AGPAT5: variants seen among roughly 807,000 people sequenced by gnomAD.
The protein encoded by AGPAT5 is 1-acylglycerol-3-phosphate O-acyltransferase 5.
A neutral mutation model predicts 45.6 loss-of-function variants in AGPAT5; 46 were observed. That is an observed-to-expected ratio of 1.01 (90% confidence interval 0.80 to 1.29). The LOEUF (loss-of-function observed/expected upper bound fraction) is 1.29, where lower values mean the gene tolerates loss of function less well. Among genes scored for constraint, AGPAT5 ranks in the 50% most tolerant of loss-of-function variants. The pLI is 0.00. For synonymous variants in AGPAT5, 272 were observed against 167.0 expected (o/e 1.63, Z -4.85); for missense variants, 673 against 450.7 (o/e 1.49, Z -4.47).
In AGPAT5 at chr8:6,726,816, C is replaced by A. The variant is rs555801721; in HGVS notation, c.289+1877C>A. On this transcript the variant is annotated intron_variant, in intron 2 of 7. Coordinates refer to ENST00000285518, the MANE Select transcript of AGPAT5 (RefSeq NM_018361.5). ...TGTATCACCGCTCTGGCACCACATC[C>A]TCATCCCAGCAGGATTTGGGAAGGC... Among the ~76,000 whole-genome samples the A allele has an allele frequency of 3.9e-5, 6 of 152,312 alleles. No homozygotes were observed. In the South Asian group the frequency reaches 1.2e-3, roughly 32 times the overall value.
intron 7 of AGPAT5, among the ~76,000 whole-genome samples, chr8:6,755,417 T>C (rs1384547001): frequency 6.6e-6 from 1 of 152,208 alleles, no homozygotes; most frequent in Admixed American, 6.5e-5. Context: ...TACTACGTGA[T>C]AACATAGCAA....
chr8:6,744,518 G>A (rs982996168), intron 5 of AGPAT5, among the ~76,000 whole-genome samples: 2 of 152,158 alleles, frequency 1.3e-5, no homozygotes, highest in Non-Finnish European at 2.9e-5. Flanking sequence ...GTGGAGGCTT[G>A]GGGGGATCTT....
rs759517601 is a variant in AGPAT5, at chr8:6,708,767, G to A, written c.99G>A (p.Gly33=). 3 of 1,608,640 alleles carry A rather than the reference G, an allele frequency of 1.9e-6. No individual in the cohort carries two copies. The highest frequency in any genetic ancestry group is 2.7e-5 in the African/African-American group (2 of 74,906). ...CGCCCACCTACGTGTTGGCCTGGGGGGTCTGGCGGCTGCTCTCCGCCTTCC... is the reference window on the plus strand; with the variant it reads ...CGCCCACCTACGTGTTGGCCTGGGGAGTCTGGCGGCTGCTCTCCGCCTTCC... ...GTAPTYVLAW[G]VWRLLSAFLP... Residue 33 remains glycine, a synonymous_variant, in exon 1 of 8, where the codon GGG becomes GGA. Coordinates refer to ENST00000285518, the MANE Select transcript of AGPAT5 (RefSeq NM_018361.5).
intron 6 of AGPAT5, among the ~76,000 whole-genome samples, chr8:6,753,875 A>G (rs375815741): frequency 2.6e-5 from 4 of 152,322 alleles, no homozygotes; most frequent in African/African-American, 7.2e-5. Flanking sequence ...TAAATGCTGC[A>G]TGTTACTAAG....
rs532841291 is a variant in AGPAT5, at chr8:6,728,969, G to A, written c.290-1742G>A. 2.6e-5 allele frequency among the ~76,000 whole-genome samples: 4 copies of A among 152,268 alleles called. No individual in the cohort carries two copies. The East Asian group carries it at 7.7e-4, about 29-fold the overall frequency. On this transcript the variant is annotated intron_variant, in intron 2 of 7. Transcript: ENST00000285518. ...ATAGATATCTCAACCCAATAACACA[G>A]GTTGTGTCTGTCTCTGGGATCATAC...
At chr8:6,747,606 G>A (rs1380461056) in intron 5 of AGPAT5, 64 bp from the exon 6 acceptor site, 23 of 1,419,806 alleles carry the variant, frequency 1.6e-5, no homozygotes, top group Non-Finnish European at 2.2e-5. Context: ...TAATTTAGAT[G>A]TTAAACAGTA....
chr8:6,718,902 C>T (rs191176274), intron 1 of AGPAT5, among the ~76,000 whole-genome samples: 38 of 152,304 alleles, frequency 2.5e-4, no homozygotes, highest in Non-Finnish European at 5.0e-4. Flanking sequence ...TACCTAAACA[C>T]AGCAAGTACC....
At chr8:6,724,235 G>A (rs915671151) in intron 1 of AGPAT5, among the ~76,000 whole-genome samples, 1 of 152,120 alleles carries the variant, frequency 6.6e-6, no homozygotes, top group Non-Finnish European at 1.5e-5. Flanking sequence ...CCAGTTCAGA[G>A]CCACCCTTCT....
chr8:6,712,846 A>G (rs1351925845), intron 1 of AGPAT5, among the ~76,000 whole-genome samples: 2 of 152,238 alleles, frequency 1.3e-5, no homozygotes. Flanking sequence ...TGAAGCTGAT[A>G]AATGTTAATA....
chr8:6,730,934 A>G (rs1033489777), intron 3 of AGPAT5, 108 bp downstream of exon 3: 3 of 621,626 alleles, frequency 4.8e-6, no homozygotes, highest in Non-Finnish European at 5.3e-6. Context: ...AGTGGTGTGA[A>G]CACAGCTCAC....
At position 6,757,383 on chromosome 8, in the gene AGPAT5, G is replaced by C; in HGVS notation, c.1090G>C (p.Ala364Pro). The C allele has an allele frequency of 6.2e-7, 1 of 1,613,722 alleles. No homozygotes were observed. The highest frequency in any genetic ancestry group is 8.5e-7 in the Non-Finnish European group (1 of 1,179,636). Residue 364 changes from alanine to proline, a missense_variant, in exon 8 of 8, where the codon GCA becomes CCA. Ala to Pro is a conservative substitution (Grantham distance 27). Transcript: ENST00000285518. ...TGGCTGCCTGTGGGTTACTATTAAAGCATAGACAAGTAGCTGTCTCCAGAC... is the reference window on the plus strand; with the variant it reads ...TGGCTGCCTGTGGGTTACTATTAAACCATAGACAAGTAGCTGTCTCCAGAC... ...LLGCLWVTIK[A>P]
intron 5 of AGPAT5, among the ~76,000 whole-genome samples, chr8:6,744,890 C>G (rs1003193687): frequency 3.9e-5 from 6 of 152,238 alleles, no homozygotes; most frequent in Non-Finnish European, 7.3e-5. Flanking sequence ...TGTTTTCTCC[C>G]TTCCTTAGCA....
intron 7 of AGPAT5, 82 bp from the exon 8 acceptor site, chr8:6,757,081 G>T (rs530074754): frequency 2.9e-6 from 3 of 1,038,888 alleles, no homozygotes; most frequent in Non-Finnish European, 4.3e-6. Flanking sequence ...CTTTTCCAGC[G>T]TGTAATAGCT....
At chr8:6,718,054 A>G (rs1054545933) in intron 1 of AGPAT5, among the ~76,000 whole-genome samples, 1 of 152,210 alleles carries the variant, frequency 6.6e-6, no homozygotes, top group Admixed American at 6.5e-5. Context: ...ACTTTTTGTC[A>G]TGCTATTTTG....
At chr8:6,734,410 C>T in intron 4 of AGPAT5, among the ~76,000 whole-genome samples, 1 of 152,112 alleles carries the variant, frequency 6.6e-6, no homozygotes, top group Non-Finnish European at 1.5e-5. Context: ...CTCTTCATCT[C>T]TGCTACTGCG....
chr8:6,718,336 G>C (rs1292814463), intron 1 of AGPAT5, among the ~76,000 whole-genome samples: 1 of 152,194 alleles, frequency 6.6e-6, no homozygotes, highest in Non-Finnish European at 1.5e-5. Flanking sequence ...TGGCTTTGAT[G>C]CTTGCTTTCT....
rs749675241 is a variant in AGPAT5, at chr8:6,730,769, C to T, written c.348C>T (p.Arg116=). 71 of 1,613,446 alleles carry T rather than the reference C, an allele frequency of 4.4e-5. No homozygotes were observed. In the East Asian group the frequency reaches 1.5e-3, roughly 35 times the overall value. Residue 116 remains arginine, a synonymous_variant, in exon 3 of 8, where the codon CGC becomes CGT. Coordinates refer to ENST00000285518, the MANE Select transcript of AGPAT5 (RefSeq NM_018361.5). The stretch of plus-strand genomic sequence containing the variant: ...GGCAGAATGCGCTAGGACATGTGCG[C>T]TACGTGCTGAAAGAAGGGTTAAAAT... ...AIRQNALGHV[R]YVLKEGLKWL... is the part of the protein sequence containing the mutation.
chr8:6,712,733 TCTATC>T (rs1483295770), intron 1 of AGPAT5, among the ~76,000 whole-genome samples: 1 of 152,206 alleles, frequency 6.6e-6, no homozygotes, highest in Non-Finnish European at 1.5e-5. Flanking sequence ...AGCCTAGAAT[TCTATC>T]CTAGGAATCT....
At chr8:6,717,065 G>C (rs545058824) in intron 1 of AGPAT5, among the ~76,000 whole-genome samples, 10 of 152,198 alleles carry the variant, frequency 6.6e-5, no homozygotes, top group Admixed American at 5.9e-4. Context: ...CCACCCTCAA[G>C]AGTAAGGCAG....
Sources: gnomAD v4.1 joint callset for allele counts (sites outside exome capture counted in the v4.1 genomes callset) on GRCh38, gnomAD v4.1.1 for gene constraint, MANE v1.5 for transcripts, NCBI Gene and HGNC (gene_info 2026-07-23, HGNC 2026-07-21) for gene names.